Variants in ACACA observed in about 807,000 individuals in gnomAD.
The protein encoded by ACACA is acetyl-CoA carboxylase alpha, also known as acetyl-CoA carboxylase 1.
In ACACA, 103 loss-of-function variants were observed where a neutral mutation model predicts 296.1. The ratio of observed to expected loss-of-function variants is 0.35; its 90% confidence interval spans 0.30 to 0.41. ACACA has a LOEUF of 0.41. Ranked by LOEUF, ACACA falls within the 10% of genes least tolerant of loss-of-function variation. The probability of loss-of-function intolerance (pLI) is 1.00; values close to 1 mark genes in which losing one functional copy is unlikely to be tolerated. For synonymous variants in ACACA, 953 were observed against 1,038.6 expected, an observed-to-expected ratio of 0.92 and a Z score of 1.58; for missense variants, 1,554 against 2,989.7, an observed-to-expected ratio of 0.52 and a Z score of 11.20.
chr17:37,403,842 G>A (rs895105424), intron 1 of ACACA, among the ~76,000 whole-genome samples: 5 of 151,982 alleles, frequency 3.3e-5, no homozygotes, highest in Non-Finnish European at 7.4e-5. Flanking sequence ...GCAGTGGTGC[G>A]ATTTCAGCTC....
At chr17:37,230,500 T>G (rs77924864) in intron 25 of ACACA, among the ~76,000 whole-genome samples, 3,150 of 152,228 alleles carry the variant, frequency 0.021, 111 homozygotes, top group African/African-American at 0.073. Flanking sequence ...GACTTGGAAG[T>G]TTTCCATTCA....
intron 41 of ACACA, among the ~76,000 whole-genome samples, chr17:37,177,928 T>A (rs1437754157): frequency 1.3e-5 from 2 of 152,216 alleles, no homozygotes; most frequent in Admixed American, 1.3e-4. Context: ...ACTGGCATAT[T>A]ACTGAAATAG....
chr17:37,091,412 G>A (rs1343955049), intron 54 of ACACA, among the ~76,000 whole-genome samples: 2 of 152,132 alleles, frequency 1.3e-5, no homozygotes, highest in Non-Finnish European at 2.9e-5. Context: ...GAAGGAAAGG[G>A]GTCTCAAGTT....
intron 3 of ACACA, among the ~76,000 whole-genome samples, chr17:37,287,227 G>A (rs930374552): frequency 2.0e-5 from 3 of 152,140 alleles, no homozygotes; most frequent in Admixed American, 2.0e-4. Context: ...TTCAAAATAA[G>A]AAGGTATGAT....
rs1485561896 is a variant in ACACA at position 37,390,318 on chromosome 17, A to ATC, written c.38+15943_38+15944insGA. The stretch of plus-strand genomic sequence containing the variant: ...ATTATACATAATTATATATATATAT[A>ATC]TATATATATATATATAAAAGGCCAG... On this transcript the variant is annotated intron_variant, in intron 1 of 55. Transcript: ENST00000616317. Among the ~76,000 whole-genome samples, 9 of 52,236 alleles carry ATC rather than the reference A, an allele frequency of 1.7e-4. No homozygotes were observed. In the South Asian group the frequency reaches 1.7e-3, roughly 10 times the overall value. 34.3% of individuals were successfully genotyped at this position (52,236 alleles called of 152,430 possible).
At chr17:37,111,951 A>G (rs2073993612) in intron 51 of ACACA, among the ~76,000 whole-genome samples, 1 of 152,210 alleles carries the variant, frequency 6.6e-6, no homozygotes, top group African/African-American at 2.4e-5. Context: ...CAGGAATCAC[A>G]TTATTTTCCA....
chr17:37,288,533 A>G (rs1295152289), intron 3 of ACACA, among the ~76,000 whole-genome samples: 1 of 152,212 alleles, frequency 6.6e-6, no homozygotes, highest in East Asian at 1.9e-4. Context: ...GAAACGTTCT[A>G]TATCTTGATC....
chr17:37,165,442 G>A (rs979929430), intron 41 of ACACA, among the ~76,000 whole-genome samples: 30 of 152,110 alleles, frequency 2.0e-4, no homozygotes, highest in Admixed American at 5.2e-4. Context: ...CCCCACATGC[G>A]AAATTAAGAA....
chr17:37,322,428 C>T (rs2047399284), intron 3 of ACACA, among the ~76,000 whole-genome samples: 1 of 152,036 alleles, frequency 6.6e-6, no homozygotes, highest in South Asian at 2.1e-4. Flanking sequence ...AAATTGAGAT[C>T]AAGTTTCAAA....
At chr17:37,244,163 C>G (rs1469708512) in intron 21 of ACACA, among the ~76,000 whole-genome samples, 3 of 151,344 alleles carry the variant, frequency 2.0e-5, no homozygotes, top group Non-Finnish European at 4.4e-5. Flanking sequence ...GAGTTCAAGA[C>G]CAGTCTGGCC....
intron 24 of ACACA, among the ~76,000 whole-genome samples, chr17:37,239,295 C>A (rs2080273443): frequency 6.6e-6 from 1 of 152,134 alleles, no homozygotes. Context: ...TAAAGAGACA[C>A]CCTATCATAT....
At chr17:37,361,482 G>C (rs1274397638) in intron 1 of ACACA, among the ~76,000 whole-genome samples, 2 of 152,008 alleles carry the variant, frequency 1.3e-5, no homozygotes, top group East Asian at 3.8e-4. Flanking sequence ...TTAAATAATT[G>C]AGCTTTCTAA....
intron 3 of ACACA, among the ~76,000 whole-genome samples, chr17:37,307,284 T>C (rs1292834813): frequency 6.6e-6 from 1 of 152,228 alleles, no homozygotes; most frequent in Non-Finnish European, 1.5e-5. Flanking sequence ...ATGTTTAGCT[T>C]TAAATGATAC....
intron 41 of ACACA, among the ~76,000 whole-genome samples, chr17:37,173,995 TATATATATATATATATATATA>T (rs2076988814): frequency 3.2e-4 from 3 of 9,328 alleles, no homozygotes; most frequent in African/African-American, 1.8e-3. Context: ...TATATATATA[TATATATATATATATATATATA>T]TATATTTTTT....
intron 14 of ACACA, among the ~76,000 whole-genome samples, chr17:37,254,898 A>T (rs2081159124): frequency 6.6e-6 from 1 of 151,930 alleles, no homozygotes; most frequent in South Asian, 2.1e-4. Context: ...ATGAATGAAC[A>T]GAGGAAATAG....
At chr17:37,329,681 C>T (rs2047780306) in intron 3 of ACACA, among the ~76,000 whole-genome samples, 1 of 147,846 alleles carries the variant, frequency 6.8e-6, no homozygotes, top group Non-Finnish European at 1.5e-5. Flanking sequence ...GTAGCTCACA[C>T]CTCTAATCCC....
intron 1 of ACACA, among the ~76,000 whole-genome samples, chr17:37,390,194 TA>T (rs1462757364): frequency 1.4e-4 from 11 of 76,212 alleles, no homozygotes; most frequent in Non-Finnish European, 2.3e-4. Flanking sequence ...ACATTATATA[TA>T]AATATATATA....
intron 1 of ACACA, among the ~76,000 whole-genome samples, chr17:37,402,439 T>A (rs1461115469): frequency 6.6e-6 from 1 of 152,146 alleles, no homozygotes; most frequent in Non-Finnish European, 1.5e-5. Flanking sequence ...AGGAAGATGC[T>A]AGATCTGGAA....
chr17:37,255,632 A>G (rs554800019), intron 14 of ACACA, among the ~76,000 whole-genome samples: 1 of 152,372 alleles, frequency 6.6e-6, no homozygotes, highest in East Asian at 1.9e-4. Context: ...AACAGAGGCC[A>G]GTCTGGGAAC....
Sources: gnomAD v4.1 joint callset for allele counts (sites outside exome capture counted in the v4.1 genomes callset) on GRCh38, gnomAD v4.1.1 for gene constraint, MANE v1.5 for transcripts, NCBI Gene and HGNC (gene_info 2026-07-23, HGNC 2026-07-21) for gene names.